ADGRL2: variants seen among roughly 807,000 people sequenced by gnomAD.
The protein encoded by ADGRL2 is adhesion G protein-coupled receptor L2, also known as calcium-independent alpha-latrotoxin receptor 2.
ADGRL2 carries 44 observed loss-of-function variants against 157.4 expected under a neutral mutation model. The observed-to-expected ratio is 0.28, with a 90% CI of 0.22 to 0.36. ADGRL2 has a LOEUF of 0.36. Ranked by LOEUF, ADGRL2 falls within the 10% of genes least tolerant of loss-of-function variation. The probability of loss-of-function intolerance (pLI) is 1.00; values close to 1 mark genes in which losing one functional copy is unlikely to be tolerated. For missense variants in ADGRL2, 1,510 were observed against 1,768.9 expected, an observed-to-expected ratio of 0.85 and a Z score of 2.63; for synonymous variants, 585 against 624.7, an observed-to-expected ratio of 0.94 and a Z score of 0.95.
At chr1:81,874,819 C>CT (rs1048981428) in intron 2 of ADGRL2, among the ~76,000 whole-genome samples, 2 of 152,060 alleles carry the variant, frequency 1.3e-5, no homozygotes, top group African/African-American at 4.8e-5. Context: ...GATTCTCCTG[C>CT]TTCAGCCTCT....
At chr1:81,799,926 A>G (rs1189351437), upstream of ADGRL2, among the ~76,000 whole-genome samples, 2 of 152,182 alleles carry the variant, frequency 1.3e-5, no homozygotes, top group Non-Finnish European at 2.9e-5. Flanking sequence ...TGGCATGCAC[A>G]GGACACTTAA....
At chr1:81,494,786 C>T (rs913229933) in intron 2 of ADGRL2, among the ~76,000 whole-genome samples, 2 of 152,022 alleles carry the variant, frequency 1.3e-5, no homozygotes, top group Admixed American at 6.6e-5. Flanking sequence ...TACATCAGTT[C>T]CCCTTTTTGG....
At chr1:81,733,743 T>C (rs909999659) in intron 1 of ADGRL2, among the ~76,000 whole-genome samples, 1 of 152,036 alleles carries the variant, frequency 6.6e-6, no homozygotes, top group Non-Finnish European at 1.5e-5. Flanking sequence ...CACTTGGAAC[T>C]TCAGAATGTG....
intron 2 of ADGRL2, among the ~76,000 whole-genome samples, chr1:81,476,371 TGAG>T (rs1240617980): frequency 6.6e-6 from 1 of 152,106 alleles, no homozygotes; most frequent in African/African-American, 2.4e-5. Context: ...GCAAAAATTG[TGAG>T]GAGTAGGAAA....
intron 1 of ADGRL2, among the ~76,000 whole-genome samples, chr1:81,406,272 A>G (rs1465430775): frequency 1.3e-5 from 2 of 152,228 alleles, no homozygotes; most frequent in Non-Finnish European, 2.9e-5. Context: ...AATACAATTT[A>G]GGTTTAACAC....
chr1:81,363,770 A>G (rs2076018754), intron 1 of ADGRL2, among the ~76,000 whole-genome samples: 1 of 152,164 alleles, frequency 6.6e-6, no homozygotes, highest in South Asian at 2.1e-4. Context: ...AAAAGATTGC[A>G]GAAAATATCT....
At chr1:81,677,819 C>T (rs954597310) in intron 3 of ADGRL2, among the ~76,000 whole-genome samples, 1 of 152,128 alleles carries the variant, frequency 6.6e-6, no homozygotes, top group Non-Finnish European at 1.5e-5. Context: ...TTAAAACTTT[C>T]GATGCCTTCC....
chr1:81,949,423 T>C (rs1327938983), intron 6 of ADGRL2, among the ~76,000 whole-genome samples: 1 of 152,248 alleles, frequency 6.6e-6, no homozygotes, highest in Non-Finnish European at 1.5e-5. Flanking sequence ...TGTGTAACGA[T>C]AGTTCTTTTA....
At chr1:81,769,978 C>G (rs1197553620) in intron 2 of ADGRL2, among the ~76,000 whole-genome samples, 1 of 151,864 alleles carries the variant, frequency 6.6e-6, no homozygotes, top group African/African-American at 2.4e-5. Context: ...ATTCTCCTGC[C>G]TCAGCCTCCC....
intron 3 of ADGRL2, among the ~76,000 whole-genome samples, chr1:81,658,906 C>T (rs1395164925): frequency 2.0e-5 from 3 of 151,956 alleles, no homozygotes; most frequent in African/African-American, 7.3e-5. Context: ...CGCCTGACAA[C>T]ATGCCTGGCT....
At chr1:81,452,582 G>T (rs1272910690) in intron 2 of ADGRL2, among the ~76,000 whole-genome samples, 1 of 152,178 alleles carries the variant, frequency 6.6e-6, no homozygotes, top group Non-Finnish European at 1.5e-5. Context: ...CATAGCTTCA[G>T]TAAGAGGCAA....
intron 1 of ADGRL2, among the ~76,000 whole-genome samples, chr1:81,327,224 AT>A (rs1225503545): frequency 6.6e-6 from 1 of 152,166 alleles, no homozygotes; most frequent in Non-Finnish European, 1.5e-5. Flanking sequence ...GCAGAGCGGA[AT>A]TAAGTTTGCT....
At chr1:81,350,178 A>C (rs1376720683) in intron 1 of ADGRL2, among the ~76,000 whole-genome samples, 3 of 152,186 alleles carry the variant, frequency 2.0e-5, no homozygotes, top group African/African-American at 7.2e-5. Context: ...AAAATACACT[A>C]TATGATAAAT....
intron 1 of ADGRL2, chr1:81,721,621 G>T: frequency 1.5e-6 from 1 of 657,658 alleles, no homozygotes; most frequent in Admixed American, 2.6e-5. Flanking sequence ...GCTTCTGTGC[G>T]GTCACGCCAA....
intron 3 of ADGRL2, among the ~76,000 whole-genome samples, chr1:81,594,997 G>A (rs527662842): frequency 4.9e-4 from 75 of 152,266 alleles, no homozygotes; most frequent in African/African-American, 1.8e-3. Context: ...GCACTGACTA[G>A]ATGTCAGGAA....
chr1:81,749,586 T>C (rs1267167564), intron 1 of ADGRL2, among the ~76,000 whole-genome samples: 1 of 152,216 alleles, frequency 6.6e-6, no homozygotes. Context: ...TGGAATATAT[T>C]GATGTATTAT....
rs1664921899 is a variant in ADGRL2 at position 81,993,230 on chromosome 1, G to A, written c.*2085G>A. 6.8e-6 allele frequency among the ~76,000 whole-genome samples: 1 copy of A among 146,924 alleles called. No individual in the cohort carries two copies. The highest frequency in any genetic ancestry group is 2.2e-4 in the South Asian group (1 of 4,644). On this transcript the variant is annotated 3_prime_UTR_variant, in exon 24 of 24. Coordinates refer to ENST00000686636, the MANE Select transcript of ADGRL2 (RefSeq NM_001366006.2). ...ACAGATTTAACAATCCTCTGAGAAT[G>A]GTACTCATTTATTTGGCTAAAATTC...
chr1:81,648,314 T>C (rs1371663738), intron 3 of ADGRL2, among the ~76,000 whole-genome samples: 2 of 152,108 alleles, frequency 1.3e-5, no homozygotes, highest in African/African-American at 4.8e-5. Context: ...AGATTGGAAA[T>C]TGAAGTCCTG....
chr1:81,483,721 C>T (rs1222597547), intron 2 of ADGRL2, among the ~76,000 whole-genome samples: 4 of 152,242 alleles, frequency 2.6e-5, no homozygotes, highest in East Asian at 3.9e-4. Flanking sequence ...TTATTCCTTA[C>T]ATTGGATGTG....
Sources: allele counts gnomAD v4.1 joint callset (sites outside exome capture counted in the v4.1 genomes callset), GRCh38; gene constraint gnomAD v4.1.1; transcripts MANE v1.5; gene names NCBI Gene and HGNC (gene_info 2026-07-23, HGNC 2026-07-21).